TMED3: variants seen among roughly 807,000 people sequenced by gnomAD.
TMED3 encodes transmembrane emp24 domain-containing protein 3.
Under a neutral mutation model 15.0 loss-of-function variants are expected in TMED3, and 9 were observed. The observed-to-expected ratio is 0.60, with a 90% CI of 0.36 to 1.04. The LOEUF (loss-of-function observed/expected upper bound fraction) is 1.04, where lower values mean the gene tolerates loss of function less well. Ranked by LOEUF, TMED3 falls within the 50% of genes least tolerant of loss-of-function variation. The probability of loss-of-function intolerance (pLI) is 0.01; values close to 1 mark genes in which losing one functional copy is unlikely to be tolerated. For missense variants in TMED3, 267 were observed against 278.9 expected (o/e 0.96, Z 0.30); for synonymous variants, 117 against 121.4 (o/e 0.96, Z 0.24).
At chr15:79,402,664 G>A (rs71409230) in intron 2 of TMED3, among the ~76,000 whole-genome samples, 11,320 of 152,208 alleles carry the variant, frequency 0.074, 570 homozygotes, top group East Asian at 0.13. Context: ...GCAGGTGCCC[G>A]TTATCCCAGC....
intron 2 of TMED3, among the ~76,000 whole-genome samples, chr15:79,353,483 C>T (rs947857057): frequency 1.3e-5 from 1 of 74,448 alleles, no homozygotes; most frequent in African/African-American, 5.7e-5. Flanking sequence ...AAAAAGGTCC[C>T]AATGACTATG....
At chr15:79,365,097 G>C (rs1893205977) in intron 2 of TMED3, among the ~76,000 whole-genome samples, 1 of 152,240 alleles carries the variant, frequency 6.6e-6, no homozygotes, top group African/African-American at 2.4e-5. Context: ...CAGCGGAGAC[G>C]AGGGAACAGG....
intron 2 of TMED3, among the ~76,000 whole-genome samples, chr15:79,332,500 A>G (rs1424249218): frequency 1.3e-5 from 2 of 152,198 alleles, no homozygotes; most frequent in Admixed American, 6.5e-5. Flanking sequence ...TCCCACTAAG[A>G]CATGTTAAAG....
chr15:79,399,437 C>CA (rs777744299), intron 2 of TMED3, among the ~76,000 whole-genome samples: 12 of 151,520 alleles, frequency 7.9e-5, no homozygotes, highest in Non-Finnish European at 1.0e-4. Flanking sequence ...TCCAAAAACG[C>CA]AAAAAAGAGG....
intron 2 of TMED3, among the ~76,000 whole-genome samples, chr15:79,332,582 C>T (rs1445845509): frequency 3.9e-5 from 6 of 152,216 alleles, no homozygotes; most frequent in African/African-American, 1.4e-4. Flanking sequence ...AAGATGTTGC[C>T]TTCTGAGAGG....
chr15:79,374,434 G>A lies in TMED3; in HGVS notation c.418-36966G>A, dbSNP rs927496480. 3.3e-5 allele frequency among the ~76,000 whole-genome samples: 5 copies of A among 152,282 alleles called. No individual in the cohort carries two copies. The East Asian group carries it at 9.7e-4, about 29-fold the overall frequency. Reference sequence around the variant, plus strand: ...TTTACTTTGGAATGCCCTTGGCCAAGAGGAGTCCATTCAGTCAGTTGGGGG... The same window carrying A: ...TTTACTTTGGAATGCCCTTGGCCAAAAGGAGTCCATTCAGTCAGTTGGGGG... On this transcript the variant is annotated intron_variant, in intron 2 of 2. Transcript: ENST00000424155.
chr15:79,357,288 C>A (rs2058922921), intron 2 of TMED3, among the ~76,000 whole-genome samples: 1 of 151,148 alleles, frequency 6.6e-6, no homozygotes, highest in African/African-American at 2.4e-5. Context: ...AATTCAAGAC[C>A]AGCCTGGGCC....
intron 2 of TMED3, among the ~76,000 whole-genome samples, chr15:79,400,066 T>C (rs2903059): frequency 0.49 from 73,958 of 152,010 alleles, 18,303 homozygotes; most frequent in East Asian, 0.69. Flanking sequence ...GCTTCTGCCT[T>C]TCTCTCCAGC....
intron 2 of TMED3, among the ~76,000 whole-genome samples, chr15:79,382,616 ATTC>A (rs1893555289): frequency 6.6e-6 from 1 of 152,206 alleles, no homozygotes; most frequent in Admixed American, 6.5e-5. Flanking sequence ...GCCCTTCACA[ATTC>A]TTCTGGGTGC....
Position 79,401,282 on chromosome 15 carries a change from G to A in TMED3, c.418-10118G>A, listed in dbSNP as rs548806924. On this transcript the variant is annotated intron_variant, in intron 2 of 2. Coordinates refer to the TMED3 transcript ENST00000424155. ...TTCTTAATGGCATAATGCCCAGGAC[G>A]TACTCTGGCATGTAGCAGCTGCTTG... Among the ~76,000 whole-genome samples, 9 of 152,266 alleles carry A rather than the reference G, an allele frequency of 5.9e-5. No homozygotes were observed. In the East Asian group the frequency reaches 9.7e-4, roughly 16 times the overall value.
chr15:79,338,684 A>G (rs2058836820), intron 2 of TMED3, among the ~76,000 whole-genome samples: 1 of 152,180 alleles, frequency 6.6e-6, no homozygotes, highest in Non-Finnish European at 1.5e-5. Flanking sequence ...ATCATAACCT[A>G]GGAAAAACCA....
intron 2 of TMED3, among the ~76,000 whole-genome samples, chr15:79,336,916 A>T (rs938231258): frequency 1.3e-5 from 2 of 152,234 alleles, no homozygotes; most frequent in African/African-American, 4.8e-5. Flanking sequence ...CAAAGTAGTT[A>T]TAATAATAAC....
chr15:79,314,321 T>C (rs918644214), intron 2 of TMED3, among the ~76,000 whole-genome samples: 3 of 152,256 alleles, frequency 2.0e-5, no homozygotes, highest in Non-Finnish European at 4.4e-5. Context: ...GCTTATATGA[T>C]GTGCCTGTAT....
chr15:79,329,984 A>G (rs1025537134), intron 2 of TMED3, among the ~76,000 whole-genome samples: 2 of 152,254 alleles, frequency 1.3e-5, no homozygotes, highest in African/African-American at 2.4e-5. Flanking sequence ...AAATGACAGC[A>G]ACAGGATGGC....
intron 2 of TMED3, among the ~76,000 whole-genome samples, chr15:79,379,782 G>A (rs1226050249): frequency 6.6e-6 from 1 of 152,118 alleles, no homozygotes; most frequent in Non-Finnish European, 1.5e-5. Flanking sequence ...GTGTATAAAT[G>A]AATCAGTCTG....
At position 79,311,207 on chromosome 15, in the gene TMED3, G is replaced by A. The variant is rs373172607; in HGVS notation, c.-43G>A. The A allele has an allele frequency of 1.9e-6, 3 of 1,549,204 alleles. No individual in the cohort carries two copies. The highest frequency in any genetic ancestry group is 3.7e-5 in the Admixed American group (2 of 54,128). On this transcript the variant is annotated 5_prime_UTR_variant, in exon 1 of 3. Transcript: ENST00000299705. Reference sequence around the variant, plus strand: ...GTCGTCGCCCCAGCCCGCCGGGGGCGCAGCGCCCGAGCCGCGGCCCTCGAG... The same window carrying A: ...GTCGTCGCCCCAGCCCGCCGGGGGCACAGCGCCCGAGCCGCGGCCCTCGAG...
intron 2 of TMED3, among the ~76,000 whole-genome samples, chr15:79,410,131 T>C (rs1893954604): frequency 6.6e-6 from 1 of 152,176 alleles, no homozygotes; most frequent in African/African-American, 2.4e-5. Context: ...AATAAGTTCA[T>C]AGGCCTGGGA....
chr15:79,312,466 A>G (rs1159685568), intron 1 of TMED3, among the ~76,000 whole-genome samples: 3 of 152,210 alleles, frequency 2.0e-5, no homozygotes, highest in Non-Finnish European at 1.5e-5. Context: ...TCCCTTGTCA[A>G]AGTGTGTCCA....
intron 2 of TMED3, among the ~76,000 whole-genome samples, chr15:79,352,177 T>A (rs1307657330): frequency 6.6e-6 from 1 of 152,020 alleles, no homozygotes; most frequent in Admixed American, 6.6e-5. Context: ...AAGAACTTAT[T>A]CATGTAACCA....
Sources: gnomAD v4.1 joint callset for allele counts (sites outside exome capture counted in the v4.1 genomes callset) on GRCh38, gnomAD v4.1.1 for gene constraint, MANE v1.5 for transcripts, NCBI Gene and HGNC (gene_info 2026-07-23, HGNC 2026-07-21) for gene names.